LAMC2: variants seen among roughly 807,000 people sequenced by gnomAD.
LAMC2 encodes the protein laminin subunit gamma-2.
LAMC2 carries 97 observed loss-of-function variants against 140.2 expected under a neutral mutation model. That is an observed-to-expected ratio of 0.69 (90% CI 0.59 to 0.82). The LOEUF is 0.82. LAMC2 is among the 40% of genes least tolerant of loss of function. The probability of loss-of-function intolerance (pLI) is 0.00; values close to 1 mark genes in which losing one functional copy is unlikely to be tolerated. For synonymous variants in LAMC2, 513 were observed against 540.2 expected (o/e 0.95, Z 0.70); for missense variants, 1,402 against 1,476.1 (o/e 0.95, Z 0.82).
downstream of LAMC2, among the ~76,000 whole-genome samples, chr1:183,247,171 G>T (rs975694763): frequency 1.3e-5 from 2 of 152,038 alleles, no homozygotes; most frequent in Non-Finnish European, 2.9e-5. Context: ...AATTAACTGC[G>T]CATGGTGGCA....
chr1:183,236,605 G>C lies in LAMC2; in HGVS notation c.2601+1G>C, dbSNP rs748379353. 1 of 1,614,096 alleles carries C rather than the reference G, an allele frequency of 6.2e-7. No homozygotes were observed. The highest frequency in any genetic ancestry group is 1.7e-5 in the Admixed American group (1 of 60,016). Reference sequence around the variant, plus strand: ...GGGAGTCAGTGATCAGTCCTTTCAGGTGAGGGCATCTGGCCTGTGTGCTTG... The same window carrying C: ...GGGAGTCAGTGATCAGTCCTTTCAGCTGAGGGCATCTGGCCTGTGTGCTTG... On this transcript the variant is annotated splice_donor_variant, in intron 17 of 22. Coordinates refer to ENST00000264144, the MANE Select transcript of LAMC2 (RefSeq NM_005562.3). LOFTEE classifies it high-confidence loss of function.
chr1:183,199,708 C>G (rs916744966), intron 1 of LAMC2, among the ~76,000 whole-genome samples: 1 of 152,138 alleles, frequency 6.6e-6, no homozygotes, highest in Non-Finnish European at 1.5e-5. Flanking sequence ...TGGGCTTTCA[C>G]GGGAGAGAGA....
At chr1:183,197,545 G>A (rs952331604) in intron 1 of LAMC2, among the ~76,000 whole-genome samples, 4 of 152,014 alleles carry the variant, frequency 2.6e-5, no homozygotes, top group Admixed American at 6.6e-5. Context: ...GCGTGCTGGC[G>A]GGCGCCTATA....
the LAMC2 span, among the ~76,000 whole-genome samples, chr1:183,258,938 T>G: frequency 6.6e-6 from 1 of 152,212 alleles, no homozygotes; most frequent in Non-Finnish European, 1.5e-5. Context: ...GGGAGACTGA[T>G]TTGATAACAA....
At chr1:183,216,343 T>C (rs3768602) in intron 3 of LAMC2, among the ~76,000 whole-genome samples, 1 of 152,176 alleles carries the variant, frequency 6.6e-6, no homozygotes, top group Admixed American at 6.5e-5. Context: ...AGATCACCCC[T>C]GCCCCACTCC....
At chr1:183,198,045 G>C (rs1465339584) in intron 1 of LAMC2, among the ~76,000 whole-genome samples, 1 of 151,806 alleles carries the variant, frequency 6.6e-6, no homozygotes, top group Non-Finnish European at 1.5e-5. Flanking sequence ...GTCTCAGAAA[G>C]AGAATGAGGG....
chr1:183,221,892 G>A (rs1379732849), intron 5 of LAMC2, among the ~76,000 whole-genome samples, 197 bp from the exon 6 acceptor site: 2 of 152,170 alleles, frequency 1.3e-5, no homozygotes, highest in Non-Finnish European at 2.9e-5. Flanking sequence ...GCAGCTGCGG[G>A]ATGGGAGCAG....
intron 18 of LAMC2, among the ~76,000 whole-genome samples, chr1:183,237,918 G>C (rs566703078): frequency 6.6e-6 from 1 of 152,192 alleles, no homozygotes; most frequent in African/African-American, 2.4e-5. Flanking sequence ...ACTGCTTATG[G>C]AAGAAGTAAC....
Position 183,226,407 on chromosome 1 carries a change from C to T in LAMC2, c.1067-291C>T, listed in dbSNP as rs760041841. On this transcript the variant is annotated intron_variant, in intron 8 of 22. Coordinates refer to ENST00000264144, the MANE Select transcript of LAMC2 (RefSeq NM_005562.3). ...AACGGACATAAGAGATAAATACCAC[C>T]GTTACTTCTTGTCTATAGTTGATGA... Among the ~76,000 whole-genome samples the T allele has an allele frequency of 2.0e-5, 3 of 152,092 alleles. No homozygotes were observed. In the East Asian group the frequency reaches 5.8e-4, roughly 29 times the overall value.
At chr1:183,249,244 G>T (rs1660309468), downstream of LAMC2, 1 of 152,376 alleles carries the variant, frequency 6.6e-6, no homozygotes, top group Non-Finnish European at 1.5e-5. Context: ...TCTAGAGGCT[G>T]CCTGGGGTTG....
chr1:183,237,154 A>G (rs1394550092), intron 17 of LAMC2, among the ~76,000 whole-genome samples, 198 bp from the exon 18 acceptor site: 2 of 152,250 alleles, frequency 1.3e-5, no homozygotes, highest in Non-Finnish European at 2.9e-5. Flanking sequence ...CCTGTTTGAC[A>G]TTGAGGGGAC....
intron 3 of LAMC2, among the ~76,000 whole-genome samples, chr1:183,217,103 T>C (rs1659292454): frequency 1.3e-5 from 2 of 152,122 alleles, no homozygotes; most frequent in South Asian, 4.1e-4. Flanking sequence ...GGCATGTGAC[T>C]GGATGAGGAA....
intron 14 of LAMC2, 77 bp from the exon 15 acceptor site, chr1:183,234,290 G>C: frequency 4.7e-6 from 5 of 1,068,310 alleles, no homozygotes; most frequent in Non-Finnish European, 7.2e-6. Flanking sequence ...TGACAGGACA[G>C]ATGCACCTGC....
At chr1:183,246,164 C>A (rs1571546389), downstream of LAMC2, among the ~76,000 whole-genome samples, 2 of 135,284 alleles carry the variant, frequency 1.5e-5, no homozygotes, top group African/African-American at 2.9e-5. Context: ...AGCAAGACTC[C>A]GTCTCAAAAA....
chr1:183,239,951 C>T (rs2477436), intron 20 of LAMC2, 89 bp from the exon 21 acceptor site: 258 of 1,416,048 alleles, frequency 1.8e-4, no homozygotes, highest in Non-Finnish European at 2.5e-4. Flanking sequence ...GCCCGGCTGC[C>T]GCTGTATTTT....
chr1:183,223,402 C>A, intron 7 of LAMC2, 78 bp downstream of exon 7: 1 of 1,375,892 alleles, frequency 7.3e-7, no homozygotes, highest in Non-Finnish European at 1.0e-6. Flanking sequence ...TTCATTCAAT[C>A]ATCATTCATT....
chr1:183,236,514 G>C lies in LAMC2; in HGVS notation c.2511G>C (p.Ala837=). The C allele has an allele frequency of 6.2e-7, 1 of 1,613,988 alleles. No homozygotes were observed. Among genetic ancestry groups the C allele is most frequent in the Non-Finnish European group, 8.5e-7 (1 of 1,179,980 alleles). The change falls in exon 17 of 23, where the codon GCG becomes GCC. Residue 837 remains alanine, a synonymous_variant. Transcript: ENST00000264144. ...AQQLTREATQ[A]EIEADRSYQH... is the part of the protein sequence containing the mutation. ...AGTTGACAAGGGAGGCCACTCAAGC[G>C]GAAATTGAAGCAGATAGGTCTTATC... is the stretch of plus-strand genomic sequence containing the variant.
chr1:183,235,493 T>C (rs2102244818), intron 15 of LAMC2, 82 bp from the exon 16 acceptor site: 1 of 1,492,460 alleles, frequency 6.7e-7, no homozygotes, highest in East Asian at 2.3e-5. Flanking sequence ...GCTCCCGTAC[T>C]CTTTGCCCTT....
chr1:183,192,233 T>A (rs1292325570), intron 1 of LAMC2, among the ~76,000 whole-genome samples: 3 of 152,134 alleles, frequency 2.0e-5, no homozygotes, highest in Non-Finnish European at 4.4e-5. Context: ...CCTGCACTTA[T>A]TCAGGGCTTA....
Sources: allele counts gnomAD v4.1 joint callset (sites outside exome capture counted in the v4.1 genomes callset), GRCh38; gene constraint gnomAD v4.1.1; transcripts MANE v1.5; gene names NCBI Gene and HGNC (gene_info 2026-07-23, HGNC 2026-07-21).